Variants in ZDHHC17 observed in about 807,000 individuals in gnomAD.
The protein encoded by ZDHHC17 is zDHHC palmitoyltransferase 17, also known as palmitoyltransferase ZDHHC17.
A neutral mutation model predicts 90.3 loss-of-function variants in ZDHHC17; 40 were observed. That is an observed-to-expected ratio of 0.44 (90% CI 0.34 to 0.58). ZDHHC17 has a LOEUF of 0.58. Ranked by LOEUF, ZDHHC17 falls within the 20% of genes least tolerant of loss-of-function variation. The probability of loss-of-function intolerance (pLI) is 0.01; values close to 1 mark genes in which losing one functional copy is unlikely to be tolerated. For missense variants in ZDHHC17, 614 were observed against 780.8 expected (o/e 0.79, Z 2.55); for synonymous variants, 235 against 252.4 (o/e 0.93, Z 0.65).
intron 3 of ZDHHC17, among the ~76,000 whole-genome samples, chr12:76,807,369 A>G (rs570453067): frequency 6.6e-6 from 1 of 152,210 alleles, no homozygotes; most frequent in Non-Finnish European, 1.5e-5. Flanking sequence ...CAGCCCAGGT[A>G]CTTACTAAAT....
rs528042510 is a variant in ZDHHC17, at chr12:76,810,331, T to G, written c.543+474T>G. Among the ~76,000 whole-genome samples the G allele has an allele frequency of 5.8e-4, 88 of 152,264 alleles. No homozygotes were observed. The South Asian group carries it at 8.1e-3, about 14-fold the overall frequency. The stretch of plus-strand genomic sequence containing the variant: ...TTAAGTGGTTGTTCCTGATTTTTCT[T>G]GAGTGTGCAGTGACCATAATCACAT... On this transcript the variant is annotated intron_variant, in intron 5 of 16. Transcript: ENST00000426126.
intron 5 of ZDHHC17, among the ~76,000 whole-genome samples, chr12:76,812,438 A>G (rs1286217364): frequency 6.6e-6 from 1 of 151,976 alleles, no homozygotes; most frequent in Non-Finnish European, 1.5e-5. Context: ...CTCTCTCTTC[A>G]GTCAGATGGT....
Position 76,809,828 on chromosome 12 carries a change from A to G in ZDHHC17, c.514A>G (p.Ile172Val), listed in dbSNP as rs766469188. Reference protein sequence around the residue: ...HLAAQFGHTSIVAYLIAKGQD... With the variant: ...HLAAQFGHTSVVAYLIAKGQD... ...GGCTGCTCAGTTCGGACATACCTCA[A>G]TTGTTGCTTATCTCATAGCAAAAGG... The change falls in exon 5 of 17, where the codon ATT becomes GTT. Residue 172 changes from isoleucine to valine, a missense_variant. Around this residue, in one of 5 missense-constraint regions of ZDHHC17, gnomAD observed 358 missense variants for 380.4 expected, o/e 0.94. Coordinates refer to ENST00000426126, the MANE Select transcript of ZDHHC17 (RefSeq NM_015336.4). 17 of 1,611,186 alleles carry G rather than the reference A, an allele frequency of 1.1e-5. No homozygotes were observed. The highest frequency in any genetic ancestry group is 1.6e-4 in the Middle Eastern group (1 of 6,080).
chr12:76,784,583 T>A (rs183222021), intron 1 of ZDHHC17, among the ~76,000 whole-genome samples: 213 of 152,262 alleles, frequency 1.4e-3, no homozygotes, highest in African/African-American at 4.8e-3. Flanking sequence ...GGTGGAAGAT[T>A]AACAGCAGAA....
At chr12:76,831,064 C>T (rs1592492853) in intron 10 of ZDHHC17, among the ~76,000 whole-genome samples, 1 of 149,204 alleles carries the variant, frequency 6.7e-6, no homozygotes, top group Middle Eastern at 3.4e-3. Context: ...TTTGTAAATA[C>T]ATTGAATAAG....
chr12:76,822,525 T>C lies in ZDHHC17; in HGVS notation c.891T>C (p.Ala297=). ...DNPSFLRKLK[A]DKEFRQKVML... is the part of the protein sequence containing the mutation. ...CGTCCTTCCTTAGAAAGCTGAAAGC[T>C]GATAAGGTAAACTCATAACTGAAGA... Residue 297 remains alanine, a synonymous_variant, in exon 8 of 17, where the codon GCT becomes GCC. Coordinates refer to ENST00000426126, the MANE Select transcript of ZDHHC17 (RefSeq NM_015336.4). 1 of 1,590,614 alleles carries C rather than the reference T, an allele frequency of 6.3e-7. No individual in the cohort carries two copies. The highest frequency in any genetic ancestry group is 8.6e-7 in the Non-Finnish European group (1 of 1,167,486).
At chr12:76,805,514 T>C (rs1952945412) in intron 3 of ZDHHC17, 75 bp downstream of exon 3, 1 of 1,200,644 alleles carries the variant, frequency 8.3e-7, no homozygotes, top group Non-Finnish European at 1.2e-6. Flanking sequence ...GTAATTGTTA[T>C]AAAAACTAAT....
intron 10 of ZDHHC17, among the ~76,000 whole-genome samples, chr12:76,834,531 C>T (rs1467451724): frequency 3.3e-5 from 5 of 152,152 alleles, no homozygotes; most frequent in Admixed American, 3.3e-4. Flanking sequence ...TTAGACTTCT[C>T]TGTTTTCTGT....
In ZDHHC17 at chr12:76,780,140, T is replaced by C. The variant is rs1952605548; in HGVS notation, c.93+15811T>C. On this transcript the variant is annotated intron_variant, in intron 1 of 16. Transcript: ENST00000426126. ...GTTTTAGCGGTTTGTTTTCTTTTAC[T>C]TCCTATGTAAATTTTAGGTTAAACT... Among the ~76,000 whole-genome samples the C allele has an allele frequency of 2.6e-5, 4 of 152,226 alleles. No homozygotes were observed. In the South Asian group the frequency reaches 8.3e-4, roughly 31 times the overall value.
intron 1 of ZDHHC17, among the ~76,000 whole-genome samples, chr12:76,773,510 G>T (rs1234564613): frequency 1.3e-5 from 2 of 151,978 alleles, no homozygotes; most frequent in African/African-American, 4.8e-5. Context: ...TCCAAGTTTT[G>T]TTCATTTACT....
intron 3 of ZDHHC17, among the ~76,000 whole-genome samples, chr12:76,807,346 T>C (rs75449190): frequency 0.027 from 4,124 of 152,290 alleles, 196 homozygotes; most frequent in African/African-American, 0.093. Flanking sequence ...CTTTCAACCA[T>C]TGTTTCTGTT....
chr12:76,807,749 A>G (rs1952971949), intron 3 of ZDHHC17, among the ~76,000 whole-genome samples: 1 of 152,172 alleles, frequency 6.6e-6, no homozygotes, highest in African/African-American at 2.4e-5. Flanking sequence ...GTCAGTAAAA[A>G]TGAATCTCAG....
chr12:76,849,323 C>CAAAAAAAAAAAAAAA (rs34062414), intron 15 of ZDHHC17, 53 bp from the exon 16 acceptor site: 69 of 454,800 alleles, frequency 1.5e-4, no homozygotes, highest in Non-Finnish European at 1.7e-4. Flanking sequence ...GGTCCTGTCT[C>CAAAAAAAAAAAAAAA]AAAAAAAAAA....
At chr12:76,846,991 A>G (rs1008704004) in intron 14 of ZDHHC17, among the ~76,000 whole-genome samples, 2 of 152,210 alleles carry the variant, frequency 1.3e-5, no homozygotes, top group African/African-American at 4.8e-5. Flanking sequence ...TTGCTTTACT[A>G]TAGTAGCTTA....
intron 1 of ZDHHC17, among the ~76,000 whole-genome samples, chr12:76,787,650 T>C (rs1319597902): frequency 2.0e-5 from 3 of 148,568 alleles, no homozygotes; most frequent in Non-Finnish European, 4.6e-5. Flanking sequence ...CTGTCTCTTG[T>C]GTGTGTGTGC....
At chr12:76,817,810 T>A (rs1319096178) in intron 7 of ZDHHC17, among the ~76,000 whole-genome samples, 1 of 152,096 alleles carries the variant, frequency 6.6e-6, no homozygotes, top group African/African-American at 2.4e-5. Flanking sequence ...ATATTTAAAA[T>A]TATTTAAATG....
intron 1 of ZDHHC17, among the ~76,000 whole-genome samples, chr12:76,766,814 G>A (rs1273299755): frequency 6.6e-6 from 1 of 152,058 alleles, no homozygotes; most frequent in East Asian, 1.9e-4. Flanking sequence ...GAGCCCAGGA[G>A]TTCGAGACCA....
chr12:76,835,280 A>C (rs1445528672), intron 10 of ZDHHC17, among the ~76,000 whole-genome samples: 1 of 148,654 alleles, frequency 6.7e-6, no homozygotes, highest in Non-Finnish European at 1.5e-5. Context: ...TTAACTCCTG[A>C]ACTCAAGTGA....
chr12:76,832,558 CAT>C (rs1191002508), intron 10 of ZDHHC17, among the ~76,000 whole-genome samples: 1 of 152,208 alleles, frequency 6.6e-6, no homozygotes, highest in Non-Finnish European at 1.5e-5. Flanking sequence ...ACCTTGTTTA[CAT>C]GTGTTTCTGT....
Sources: allele counts gnomAD v4.1 joint callset (sites outside exome capture counted in the v4.1 genomes callset), GRCh38; gene constraint gnomAD v4.1.1; regional missense constraint gnomAD v4.1.1; transcripts MANE v1.5; gene names NCBI Gene and HGNC (gene_info 2026-07-23, HGNC 2026-07-21).